Variants in LAMTOR1 observed in about 807,000 individuals in gnomAD.
LAMTOR1 encodes the protein ragulator complex protein LAMTOR1.
A neutral mutation model predicts 20.5 loss-of-function variants in LAMTOR1; 8 were observed. The observed-to-expected ratio is 0.39, with a 90% CI of 0.23 to 0.70. LAMTOR1 has a LOEUF of 0.70. Among genes scored for constraint, LAMTOR1 ranks in the 30% least tolerant of loss-of-function variants. The pLI is 0.43. For missense variants in LAMTOR1, 135 were observed against 206.2 expected, an observed-to-expected ratio of 0.65 and a Z score of 2.11; for synonymous variants, 77 against 80.9, an observed-to-expected ratio of 0.95 and a Z score of 0.26.
chr11:72,097,988 G>C (rs1195703969), intron 4 of LAMTOR1, 74 bp from the exon 5 acceptor site: 3 of 1,493,484 alleles, frequency 2.0e-6, no homozygotes, highest in Non-Finnish European at 2.7e-6. Context: ...ATGGGGAGGG[G>C]AGATTAGATG....
At position 72,097,775 on chromosome 11, in the gene LAMTOR1, A is replaced by G. The variant is rs756748933; in HGVS notation, c.*47T>C. 37 of 1,613,560 alleles carry G rather than the reference A, an allele frequency of 2.3e-5. No individual in the cohort carries two copies. In the South Asian group the frequency reaches 4.1e-4, roughly 18 times the overall value. ...AGGCTGGGGGCCAAGGGGGTGGGGT[A>G]GAGATGGGATGAAGAGAGGAGAAGA... On this transcript the variant is annotated 3_prime_UTR_variant, in exon 5 of 5. Transcript: ENST00000278671.
intron 4 of LAMTOR1, 163 bp from the exon 5 acceptor site, chr11:72,098,077 CA>C: frequency 9.6e-7 from 1 of 1,040,910 alleles, no homozygotes; most frequent in Non-Finnish European, 1.4e-6. Context: ...AGGAAAAGAA[CA>C]AAGGGGAGTG....
At chr11:72,101,854 C>A (rs1025768701) in intron 1 of LAMTOR1, among the ~76,000 whole-genome samples, 1 of 152,162 alleles carries the variant, frequency 6.6e-6, no homozygotes, top group Non-Finnish European at 1.5e-5. Flanking sequence ...CTTTCTCATA[C>A]GGCATTAATC....
chr11:72,103,288 C>T lies in LAMTOR1; in HGVS notation c.-64G>A, dbSNP rs1945523479. 21 of 1,532,688 alleles carry T rather than the reference C, an allele frequency of 1.4e-5. No individual in the cohort carries two copies. The highest frequency in any genetic ancestry group is 4.0e-5 in the Admixed American group (2 of 49,886). 94.9% of individuals were successfully genotyped at this position (1,532,688 alleles called of 1,614,324 possible). A position where few individuals can be genotyped will look rare whatever the true frequency, so the allele number is the denominator to read the frequency against. On this transcript the variant is annotated 5_prime_UTR_variant, in exon 1 of 5. Coordinates refer to ENST00000278671, the MANE Select transcript of LAMTOR1 (RefSeq NM_017907.3). ...GGGACGGCGTCCGTGAGGAGCCCTT[C>T]CGGTCACATGACCCGCGGCGGCCTC...
chr11:72,098,146 G>A (rs1224876266), intron 4 of LAMTOR1, 143 bp downstream of exon 4: 9 of 1,137,104 alleles, frequency 7.9e-6, no homozygotes, highest in Non-Finnish European at 1.0e-5. Context: ...AGAGAACGAG[G>A]TGGGAGGGAG....
At chr11:72,098,684 G>A (rs1945325791) in intron 3 of LAMTOR1, 97 bp downstream of exon 3, 2 of 948,524 alleles carry the variant, frequency 2.1e-6, no homozygotes, top group South Asian at 1.7e-5. Flanking sequence ...TGCACCAAAT[G>A]AGAAGCTTGG....
rs1945309038 is a variant in LAMTOR1, at chr11:72,098,330, C to T, written c.352G>A (p.Val118Met). 6.2e-7 allele frequency: 1 copy of T among 1,613,568 alleles called. No individual in the cohort carries two copies. Among genetic ancestry groups the T allele is most frequent in the African/African-American group, 1.3e-5 (1 of 74,858 alleles). The change falls in exon 4 of 5, where the codon GTG becomes ATG. Residue 118 changes from valine to methionine, a missense_variant. Transcript: ENST00000278671. Reference sequence around the variant, plus strand: ...AACGGGATGGGCTCACTGGCCAGCACTTGGTGGGGCTGGCTGGTAAGAGAC... The same window carrying T: ...AACGGGATGGGCTCACTGGCCAGCATTTGGTGGGGCTGGCTGGTAAGAGAC... ...LPSLTSQPHQ[V>M]LASEPIPFSD...
intron 3 of LAMTOR1, 134 bp from the exon 4 acceptor site, chr11:72,098,549 C>T (rs1014184197): frequency 1.8e-6 from 2 of 1,138,682 alleles, no homozygotes; most frequent in African/African-American, 3.1e-5. Flanking sequence ...GGTCTCAGCT[C>T]ATCACAGACT....
intron 1 of LAMTOR1, among the ~76,000 whole-genome samples, chr11:72,102,055 A>C (rs1413210393): frequency 6.6e-6 from 1 of 152,230 alleles, no homozygotes; most frequent in Non-Finnish European, 1.5e-5. Context: ...GGGTGTATGG[A>C]GAATTGAGAA....
At chr11:72,098,027 A>C in intron 4 of LAMTOR1, 113 bp from the exon 5 acceptor site, 2 of 1,309,014 alleles carry the variant, frequency 1.5e-6, no homozygotes, top group African/African-American at 1.5e-5. Context: ...ATGAAGGGGA[A>C]CAGGAAGGCA....
rs760392879 is a variant in LAMTOR1 at position 72,099,172 on chromosome 11, G to C, written c.127C>G (p.Leu43Val). 2.1e-5 allele frequency: 34 copies of C among 1,613,602 alleles called. No homozygotes were observed. The highest frequency in any genetic ancestry group is 2.4e-5 in the Non-Finnish European group (28 of 1,179,764). ...LNGAEPNYHSLPSARTDEQAL... is the reference protein window; with the variant it reads ...LNGAEPNYHSVPSARTDEQAL... ...TGCTCATCAGTGCGAGCGGAAGGCAGGCTGTGGTAGTTGGGCTCGGCTCCA... is the reference window on the plus strand; with the variant it reads ...TGCTCATCAGTGCGAGCGGAAGGCACGCTGTGGTAGTTGGGCTCGGCTCCA... The change falls in exon 2 of 5, where the codon CTG (leucine) becomes GTG (valine). Residue 43 changes from leucine to valine, a missense_variant. Coordinates refer to ENST00000278671, the MANE Select transcript of LAMTOR1 (RefSeq NM_017907.3).
Position 72,097,819 on chromosome 11 carries a change from T to C in LAMTOR1, c.*3A>G. The C allele has an allele frequency of 2.5e-6, 4 of 1,614,106 alleles. No individual in the cohort carries two copies. In the South Asian group the frequency reaches 3.3e-5, roughly 13 times the overall value. On this transcript the variant is annotated 3_prime_UTR_variant, in exon 5 of 5. Coordinates refer to ENST00000278671, the MANE Select transcript of LAMTOR1 (RefSeq NM_017907.3). The stretch of plus-strand genomic sequence containing the variant: ...GAGAAGAGCTGTCCAAGGACCCCTC[T>C]CTTCATGGGATCCCAAACTGTACAA...
Position 72,098,828 on chromosome 11 carries a change from T to G in LAMTOR1, c.219A>C (p.Ser73=), listed in dbSNP as rs775555350. 1.1e-5 allele frequency: 17 copies of G among 1,550,914 alleles called. No homozygotes were observed. The highest frequency in any genetic ancestry group is 1.5e-5 in the Non-Finnish European group (17 of 1,146,670). ...SNIIDVSAAD[S]QGMEQHEYMD... ...TGTACTCATGCTGCTCCATGCCCTG[T>G]GAGTCTGCAGCAGACACATCAATGA... Residue 73 remains serine, a synonymous_variant, in exon 3 of 5, where the codon TCA becomes TCC. Transcript: ENST00000278671.
chr11:72,098,107 GA>G, intron 4 of LAMTOR1, 181 bp downstream of exon 4: 1 of 1,003,522 alleles, frequency 1.0e-6, no homozygotes, highest in Non-Finnish European at 1.5e-6. Context: ...AAGGTTGCAG[GA>G]AGGAGATAGG....
intron 1 of LAMTOR1, among the ~76,000 whole-genome samples, chr11:72,102,785 A>C (rs1945492164): frequency 6.6e-6 from 1 of 152,220 alleles, no homozygotes; most frequent in Admixed American, 6.5e-5. Context: ...CTCAGGACAG[A>C]CTAACTCAGG....
In LAMTOR1 at chr11:72,097,801, G is replaced by A; in HGVS notation, c.*21C>T. On this transcript the variant is annotated 3_prime_UTR_variant, in exon 5 of 5. Transcript: ENST00000278671. ...GAGATGGGATGAAGAGAGGAGAAGA[G>A]CTGTCCAAGGACCCCTCTCTTCATG... The A allele has an allele frequency of 1.9e-6, 3 of 1,614,144 alleles. No homozygotes were observed. The highest frequency in any genetic ancestry group is 1.1e-5 in the South Asian group (1 of 91,084).
intron 1 of LAMTOR1, 141 bp downstream of exon 1, chr11:72,103,042 T>C (rs941446256): frequency 4.4e-6 from 5 of 1,135,772 alleles, no homozygotes; most frequent in South Asian, 2.7e-5. Flanking sequence ...GCTTGGCGTC[T>C]CCTCTGTAAT....
intron 3 of LAMTOR1, 155 bp downstream of exon 3, chr11:72,098,626 T>G (rs559190591): frequency 3.8e-6 from 3 of 786,866 alleles, no homozygotes; most frequent in African/African-American, 3.5e-5. Flanking sequence ...AGGGCTGACA[T>G]GAATAACTAC....
chr11:72,098,504 A>C, intron 3 of LAMTOR1, 89 bp from the exon 4 acceptor site: 1 of 1,467,736 alleles, frequency 6.8e-7, no homozygotes, highest in Non-Finnish European at 9.2e-7. Flanking sequence ...CAGGCCAGAG[A>C]AGCAGGGTGT....
Sources: gnomAD v4.1 joint callset for allele counts (sites outside exome capture counted in the v4.1 genomes callset) on GRCh38, gnomAD v4.1.1 for gene constraint, MANE v1.5 for transcripts, NCBI Gene and HGNC (gene_info 2026-07-23, HGNC 2026-07-21) for gene names.